ATAD2B: variants seen among roughly 807,000 people sequenced by gnomAD.
ATAD2B encodes ATPase family AAA domain containing 2B.
A neutral mutation model predicts 167.6 loss-of-function variants in ATAD2B; 40 were observed. That is an observed-to-expected ratio of 0.24 (90% CI 0.19 to 0.31). The LOEUF (loss-of-function observed/expected upper bound fraction) is 0.31. ATAD2B is among the 10% of genes least tolerant of loss of function. The pLI, the probability that ATAD2B is intolerant of heterozygous loss-of-function variation, is 1.00. For missense variants in ATAD2B, 1,242 were observed against 1,757.2 expected (o/e 0.71, Z 5.24); for synonymous variants, 579 against 596.5 (o/e 0.97, Z 0.43).
chr2:23,774,743 T>C (rs953154861), intron 22 of ATAD2B, among the ~76,000 whole-genome samples: 17 of 151,836 alleles, frequency 1.1e-4, no homozygotes, highest in African/African-American at 3.4e-4. Context: ...CTACTAAAAA[T>C]ACAAAAATTA....
the ATAD2B span, chr2:23,691,668 G>T: frequency 6.4e-7 from 1 of 1,551,524 alleles, no homozygotes; most frequent in Non-Finnish European, 8.7e-7. Flanking sequence ...TGGTCTCTGT[G>T]CCTAGGTCCG....
chr2:23,742,894 C>T, the ATAD2B span, among the ~76,000 whole-genome samples: 12 of 152,020 alleles, frequency 7.9e-5, no homozygotes, highest in Non-Finnish European at 1.2e-4. Flanking sequence ...ACTAAAAGGA[C>T]ATGATTTTCC....
chr2:23,724,056 G>C, the ATAD2B span, among the ~76,000 whole-genome samples: 1 of 152,032 alleles, frequency 6.6e-6, no homozygotes, highest in Non-Finnish European at 1.5e-5. Flanking sequence ...TTGTATCTGC[G>C]GAAGTTAAAA....
At chr2:23,844,570 A>T (rs191192721) in intron 13 of ATAD2B, among the ~76,000 whole-genome samples, 1 of 152,364 alleles carries the variant, frequency 6.6e-6, no homozygotes, top group Admixed American at 6.5e-5. Context: ...ATATGTATAG[A>T]TGAAAACAAA....
the ATAD2B span, among the ~76,000 whole-genome samples, chr2:23,737,661 G>A: frequency 3.4e-4 from 51 of 152,202 alleles, no homozygotes; most frequent in Non-Finnish European, 7.3e-4. Context: ...CCAAAGGAAC[G>A]CAGCTCCTCA....
intron 7 of ATAD2B, 36 bp downstream of exon 7, chr2:23,880,603 C>T (rs1030188536): frequency 1.7e-6 from 2 of 1,173,912 alleles, no homozygotes; most frequent in Non-Finnish European, 2.5e-6. Context: ...AGTTACTCAA[C>T]TACCAGAAAG....
intron 1 of ATAD2B, among the ~76,000 whole-genome samples, chr2:23,906,260 G>C (rs1573377798): frequency 6.6e-6 from 1 of 152,082 alleles, no homozygotes; most frequent in African/African-American, 2.4e-5. Flanking sequence ...AGAATCACTT[G>C]AACCTGGAAG....
At chr2:23,897,445 T>C (rs982566520) in intron 1 of ATAD2B, among the ~76,000 whole-genome samples, 1 of 152,226 alleles carries the variant, frequency 6.6e-6, no homozygotes, top group East Asian at 1.9e-4. Flanking sequence ...TTAGTATTCA[T>C]TGACTACTCT....
At chr2:23,775,919 C>T (rs1679036896) in intron 22 of ATAD2B, among the ~76,000 whole-genome samples, 1 of 151,748 alleles carries the variant, frequency 6.6e-6, no homozygotes, top group Non-Finnish European at 1.5e-5. Context: ...AGATCGAGAC[C>T]ATCCTGGCCA....
the ATAD2B span, chr2:23,689,910 T>G: frequency 6.6e-6 from 1 of 152,292 alleles, no homozygotes; most frequent in Non-Finnish European, 1.5e-5. Context: ...TGAATTCACT[T>G]TAGAAGTCAC....
the ATAD2B span, among the ~76,000 whole-genome samples, chr2:23,692,963 C>T: frequency 1.3e-5 from 2 of 152,184 alleles, no homozygotes; most frequent in Non-Finnish European, 2.9e-5. Context: ...CGCCTGACCC[C>T]AGCCCAGGCC....
chr2:23,699,982 T>A, the ATAD2B span, among the ~76,000 whole-genome samples: 1 of 152,224 alleles, frequency 6.6e-6, no homozygotes, highest in African/African-American at 2.4e-5. Context: ...CTTGCTCACC[T>A]TCCTGCAGTC....
At chr2:23,858,283 G>A (rs931565674) in intron 12 of ATAD2B, among the ~76,000 whole-genome samples, 1 of 151,664 alleles carries the variant, frequency 6.6e-6, no homozygotes, top group African/African-American at 2.4e-5. Context: ...ACCATACCTG[G>A]CTAATTTTTG....
chr2:23,875,808 C>T (rs1458091619), intron 8 of ATAD2B, 21 bp downstream of exon 8: 2 of 1,542,898 alleles, frequency 1.3e-6, no homozygotes, highest in Non-Finnish European at 1.8e-6. Context: ...GCAAATGTTT[C>T]CTTTCAAAAA....
chr2:23,678,127 GT>G, the ATAD2B span, among the ~76,000 whole-genome samples: 3 of 152,154 alleles, frequency 2.0e-5, no homozygotes, highest in Non-Finnish European at 4.4e-5. Flanking sequence ...AACTTGTGTC[GT>G]TTGGTGAAAA....
At chr2:23,825,109 AT>A (rs70941593) in intron 15 of ATAD2B, among the ~76,000 whole-genome samples, 12,684 of 111,204 alleles carry the variant, frequency 0.11, 417 homozygotes, top group Middle Eastern at 0.23. Context: ...CATCAGGCTA[AT>A]TTTTTTTTTT....
chr2:23,757,438 T>A lies in ATAD2B; in HGVS notation c.4058A>T (p.Asp1353Val). 6.6e-7 allele frequency: 1 copy of A among 1,508,572 alleles called. No individual in the cohort carries two copies. The highest frequency in any genetic ancestry group is 8.8e-7 in the Non-Finnish European group (1 of 1,133,312). The allele number at this position is 1,508,572 out of a possible 1,614,324, so 93.4% of individuals were successfully genotyped here. ...TCTACCTTCTTTATCCAGTTCTGCA[T>A]CTTTAACCTCCACATCAGAGCCAGG... ...LEPGSDVEVKDAELDKEGASK... is the reference protein window; with the variant it reads ...LEPGSDVEVKVAELDKEGASK... Residue 1353 changes from aspartate (D) to valine (V), a missense_variant, in exon 25 of 28, where the codon GAT (aspartate) becomes GTT (valine). Asp to Val is a radical substitution (Grantham distance 152, BLOSUM62 -3). Coordinates refer to ENST00000238789, the MANE Select transcript of ATAD2B (RefSeq NM_017552.4).
the ATAD2B span, chr2:23,703,632 C>G: frequency 7.0e-7 from 1 of 1,421,892 alleles, no homozygotes; most frequent in Non-Finnish European, 9.3e-7. Context: ...TTTCGAGCTT[C>G]CTTCCCTGGA....
At chr2:23,923,356 TG>T (rs1255983977) in intron 1 of ATAD2B, among the ~76,000 whole-genome samples, 1 of 152,084 alleles carries the variant, frequency 6.6e-6, no homozygotes, top group Non-Finnish European at 1.5e-5. Flanking sequence ...CAGGGTCTTG[TG>T]GGGGGACAAT....
Sources: gnomAD v4.1 joint callset for allele counts (sites outside exome capture counted in the v4.1 genomes callset) on GRCh38, gnomAD v4.1.1 for gene constraint, MANE v1.5 for transcripts, NCBI Gene and HGNC (gene_info 2026-07-23, HGNC 2026-07-21) for gene names.